Variants in SOCS7 observed in about 807,000 individuals in gnomAD.
The protein encoded by SOCS7 is NAP-4.
A neutral mutation model predicts 58.9 loss-of-function variants in SOCS7; 18 were observed. The ratio of observed to expected loss-of-function variants is 0.31; its 90% CI spans 0.21 to 0.45. SOCS7 has a LOEUF of 0.45. SOCS7 is among the 20% of genes least tolerant of loss of function. SOCS7 has a pLI of 1.00. For synonymous variants in SOCS7, 388 were observed against 364.3 expected (o/e 1.06, Z -0.74); for missense variants, 667 against 837.3 (o/e 0.80, Z 2.51).
At chr17:38,360,075 G>A (rs2037696067) in intron 1 of SOCS7, among the ~76,000 whole-genome samples, 2 of 152,042 alleles carry the variant, frequency 1.3e-5, no homozygotes, top group African/African-American at 2.4e-5. Context: ...ATCGCACCGG[G>A]CCTGAGGTAT....
In SOCS7 at chr17:38,352,654, T is replaced by TCAG. The variant is rs2037571287; in HGVS notation, c.607_609dup (p.Ser203dup). On this transcript the variant is annotated inframe_insertion, in exon 1 of 10. Coordinates refer to ENST00000612932, the MANE Select transcript of SOCS7 (RefSeq NM_014598.4). This position sits in a 1 kb window ranked among gnomAD's most constrained non-coding sequence, Gnocchi z 5.5. ...ACTAACAGCTGCTCGGAAGAGGAGC[T>TCAG]CAGCAGCCCGGGTCGCGGAGGAGGA... 6.5e-7 allele frequency: 1 copy of TCAG among 1,549,742 alleles called. No individual in the cohort carries two copies. The highest frequency in any genetic ancestry group is 1.4e-5 in the African/African-American group (1 of 72,994).
At position 38,377,833 on chromosome 17, in the gene SOCS7, A is replaced by C. The variant is rs995568815; in HGVS notation, c.1672A>C (p.Arg558=). 1.9e-6 allele frequency: 3 copies of C among 1,613,456 alleles called. No homozygotes were observed. Among genetic ancestry groups the C allele is most frequent in the Non-Finnish European group, 2.5e-6 (3 of 1,179,720 alleles). The change falls in exon 7 of 10, where the codon AGG becomes CGG. Residue 558 remains arginine, a synonymous_variant. Transcript: ENST00000612932. ...AAAGTTTCTCTATTTCTTAAGATCC[A>C]GGGTTCCAGGTAAGGCTGTACTTCT... ...NGKFLYFLRS[R]VPGLPPTPVQ... is the part of the protein sequence containing the mutation.
Position 38,402,061 on chromosome 17 carries a change from A to G in SOCS7, c.*2579A>G, listed in dbSNP as rs1482805242. The G allele has an allele frequency of 6.6e-6, 1 of 152,318 alleles. No individual in the cohort carries two copies. The highest frequency in any genetic ancestry group is 1.5e-5 in the Non-Finnish European group (1 of 68,142). The allele number at this position is 152,318 out of a possible 1,614,324, so 9.4% of individuals were successfully genotyped here. ...CATACATTCAGGTACAAAACAAACC[A>G]ACTGAGGAGGTGTGACCCAACCTCA... On this transcript the variant is annotated 3_prime_UTR_variant, in exon 10 of 10. Coordinates refer to ENST00000612932, the MANE Select transcript of SOCS7 (RefSeq NM_014598.4).
At chr17:38,377,502 T>A (rs1305985533) in intron 6 of SOCS7, among the ~76,000 whole-genome samples, 7 of 152,224 alleles carry the variant, frequency 4.6e-5, no homozygotes, top group African/African-American at 1.7e-4. Context: ...AACAAAAACC[T>A]TGTAAGACCT....
chr17:38,361,227 C>T (rs1011838321), intron 1 of SOCS7, among the ~76,000 whole-genome samples: 1 of 152,272 alleles, frequency 6.6e-6, no homozygotes, highest in African/African-American at 2.4e-5. Context: ...TTGAAGACTG[C>T]ACATGCATCC....
Position 38,352,629 on chromosome 17 carries a change from A to G in SOCS7, c.577A>G (p.Thr193Ala). Residue 193 changes from threonine to alanine, a missense_variant, in exon 1 of 10, where the codon ACT becomes GCT. Thr to Ala is a moderately conservative substitution (Grantham distance 58). Around this residue, in one of 9 missense-constraint regions of SOCS7, gnomAD observed 208 missense variants for 190.3 expected, o/e 1.09. Transcript: ENST00000612932. The surrounding 1 kb of genome is among the most constrained non-coding windows in gnomAD (Gnocchi z 5.5). ...GLESEAESLE[T>A]NSCSEEELSS... The stretch of plus-strand genomic sequence containing the variant: ...GGAATCGGAGGCCGAGAGCCTGGAG[A>G]CTAACAGCTGCTCGGAAGAGGAGCT... The G allele has an allele frequency of 6.5e-7, 1 of 1,549,960 alleles. No homozygotes were observed. The highest frequency in any genetic ancestry group is 8.7e-7 in the Non-Finnish European group (1 of 1,146,820).
At chr17:38,394,168 C>G (rs2038214764) in intron 7 of SOCS7, among the ~76,000 whole-genome samples, 1 of 152,154 alleles carries the variant, frequency 6.6e-6, no homozygotes, top group African/African-American at 2.4e-5. Flanking sequence ...GCGTGGGGCC[C>G]TTTTTGGGGT....
chr17:38,382,138 T>G (rs973441893), intron 7 of SOCS7, among the ~76,000 whole-genome samples: 1 of 150,956 alleles, frequency 6.6e-6, no homozygotes, highest in African/African-American at 2.4e-5. Flanking sequence ...CTTTAAAAAA[T>G]CATGCTTTGA....
At chr17:38,363,392 A>G (rs998963540) in intron 2 of SOCS7, among the ~76,000 whole-genome samples, 1 of 152,272 alleles carries the variant, frequency 6.6e-6, no homozygotes, top group African/African-American at 2.4e-5. Context: ...CTGGAGTGCA[A>G]TGGTGCAGTC....
Position 38,369,309 on chromosome 17 carries a change from C to T in SOCS7, c.1552+1259C>T, listed in dbSNP as rs117064703. Among the ~76,000 whole-genome samples the T allele has an allele frequency of 9.2e-5, 14 of 152,308 alleles. No individual in the cohort carries two copies. In the East Asian group the frequency reaches 1.9e-3, roughly 21 times the overall value. On this transcript the variant is annotated intron_variant, in intron 6 of 9. Coordinates refer to ENST00000612932, the MANE Select transcript of SOCS7 (RefSeq NM_014598.4). ...CTTCCCCACTCAGCCCACACTGCAT[C>T]GGGTTCTCTTGTGAGGCAGGAAGTA...
intron 1 of SOCS7, among the ~76,000 whole-genome samples, chr17:38,361,027 G>T (rs2037712059): frequency 6.6e-6 from 1 of 152,212 alleles, no homozygotes; most frequent in Non-Finnish European, 1.5e-5. Flanking sequence ...AAAAGATCTG[G>T]GTTTTCAGAC....
At chr17:38,356,692 G>GAA (rs969072909) in intron 1 of SOCS7, among the ~76,000 whole-genome samples, 1 of 152,028 alleles carries the variant, frequency 6.6e-6, no homozygotes, top group Non-Finnish European at 1.5e-5. Flanking sequence ...AAGAAAGAAA[G>GAA]AAAGAAAGAA....
intron 7 of SOCS7, among the ~76,000 whole-genome samples, chr17:38,380,227 A>G (rs576610429): frequency 2.0e-5 from 3 of 152,308 alleles, no homozygotes; most frequent in Admixed American, 6.5e-5. Context: ...AGTGTTTGCA[A>G]CTATTAATAT....
rs1021906103 is a variant in SOCS7 at position 38,404,444 on chromosome 17, G to A, written c.*4962G>A. 18 of 152,378 alleles carry A rather than the reference G, an allele frequency of 1.2e-4. No homozygotes were observed. Among genetic ancestry groups the A allele is most frequent in the African/African-American group, 4.3e-4 (18 of 41,418 alleles). 9.4% of individuals were successfully genotyped at this position (152,378 alleles called of 1,614,324 possible). ...CCGGGAAGCCAGCCCTGCATGCTGA[G>A]TTTGTGACCTGCTTCATTCCCATTT... On this transcript the variant is annotated 3_prime_UTR_variant, in exon 10 of 10. Transcript: ENST00000612932.
At chr17:38,373,732 C>A (rs572605103) in intron 6 of SOCS7, among the ~76,000 whole-genome samples, 47 of 152,340 alleles carry the variant, frequency 3.1e-4, no homozygotes, top group African/African-American at 1.1e-3. Context: ...AGAACCCCAT[C>A]AGTTCAACAC....
In SOCS7 at chr17:38,405,039, C is replaced by T. The variant is rs1015343588; in HGVS notation, c.*5557C>T. 6.6e-6 allele frequency: 1 copy of T among 152,286 alleles called. No individual in the cohort carries two copies. Among genetic ancestry groups the T allele is most frequent in the East Asian group, 1.9e-4 (1 of 5,190 alleles). 9.4% of individuals were successfully genotyped at this position (152,286 alleles called of 1,614,324 possible). A position where few individuals can be genotyped will look rare whatever the true frequency, so the allele number is the denominator to read the frequency against. Reference sequence around the variant, plus strand: ...AACCACTTCTGTCTCCGTTAGCCCCCCCTCTGCCCTCCTCCAAGCCAAAGC... The same window carrying T: ...AACCACTTCTGTCTCCGTTAGCCCCTCCTCTGCCCTCCTCCAAGCCAAAGC... On this transcript the variant is annotated 3_prime_UTR_variant, in exon 10 of 10. Coordinates refer to ENST00000612932, the MANE Select transcript of SOCS7 (RefSeq NM_014598.4).
chr17:38,375,532 T>A (rs571705921), intron 6 of SOCS7, among the ~76,000 whole-genome samples: 1 of 152,352 alleles, frequency 6.6e-6, no homozygotes, highest in African/African-American at 2.4e-5. Context: ...CAGTATATAA[T>A]ACATATCACA....
At chr17:38,387,862 C>T (rs969324810) in intron 7 of SOCS7, among the ~76,000 whole-genome samples, 4 of 149,866 alleles carry the variant, frequency 2.7e-5, no homozygotes, top group Admixed American at 6.7e-5. Context: ...CTCCGACTCC[C>T]GGGTTCAAGC....
chr17:38,361,579 A>G (rs1330933817), intron 1 of SOCS7, 132 bp from the exon 2 acceptor site: 1 of 761,960 alleles, frequency 1.3e-6, no homozygotes, highest in East Asian at 2.4e-5. Context: ...ATGCTGTATT[A>G]CAAGAGTGTT....
Sources: allele counts gnomAD v4.1 joint callset (sites outside exome capture counted in the v4.1 genomes callset), GRCh38; gene constraint gnomAD v4.1.1; regional missense constraint gnomAD v4.1.1; non-coding constraint Gnocchi (gnomAD v3.1); transcripts MANE v1.5; gene names NCBI Gene and HGNC (gene_info 2026-07-23, HGNC 2026-07-21).